RNF166: variants seen among roughly 807,000 people sequenced by gnomAD.
The protein encoded by RNF166 is ring finger protein 166.
RNF166 carries 19 observed loss-of-function variants against 29.4 expected under a neutral mutation model. The ratio of observed to expected loss-of-function variants is 0.65; its 90% CI spans 0.45 to 0.95. RNF166 has a LOEUF of 0.95. Among genes scored for constraint, RNF166 ranks in the 40% least tolerant of loss-of-function variants. The pLI is 0.00. For missense variants in RNF166, 347 were observed against 322.1 expected (o/e 1.08, Z -0.59); for synonymous variants, 171 against 134.5 (o/e 1.27, Z -1.88).
chr16:88,704,815 C>A (rs1371910658), intron 1 of RNF166, among the ~76,000 whole-genome samples: 1 of 152,178 alleles, frequency 6.6e-6, no homozygotes, highest in Non-Finnish European at 1.5e-5. Context: ...CATGGTGAAA[C>A]CCCTTGTCTA....
intron 1 of RNF166, among the ~76,000 whole-genome samples, chr16:88,705,355 G>GCT (rs966853440): frequency 2.0e-5 from 3 of 152,170 alleles, no homozygotes; most frequent in South Asian, 2.1e-4. Flanking sequence ...AAGCCCTCCT[G>GCT]CTCTCTCTCT....
Position 88,697,437 on chromosome 16 carries a change from C to G in RNF166, c.*131G>C. The G allele has an allele frequency of 1.5e-6, 1 of 661,758 alleles. No individual in the cohort carries two copies. The highest frequency in any genetic ancestry group is 2.6e-6 in the Non-Finnish European group (1 of 387,682). The allele number at this position is 661,758 out of a possible 1,614,324, so 41.0% of individuals were successfully genotyped here. A position where few individuals can be genotyped will look rare whatever the true frequency, so the allele number is the denominator to read the frequency against. On this transcript the variant is annotated 3_prime_UTR_variant, in exon 6 of 6. Coordinates refer to ENST00000312838, the MANE Select transcript of RNF166 (RefSeq NM_178841.4). ...AGGCCCGGAGGCTCGGCCCCGGCTC[C>G]CCTTCTGCGCGGGTGCAGGCTCCTC...
chr16:88,701,709 T>C, intron 1 of RNF166: 1 of 364,062 alleles, frequency 2.7e-6, no homozygotes, highest in Non-Finnish European at 5.0e-6. Flanking sequence ...CCAGAGGAGC[T>C]CCCATAGGCA....
At chr16:88,705,931 G>A (rs1910745918) in intron 1 of RNF166, among the ~76,000 whole-genome samples, 1 of 152,034 alleles carries the variant, frequency 6.6e-6, no homozygotes, top group South Asian at 2.1e-4. Flanking sequence ...GTGAACCGAA[G>A]CAGCAGTCGG....
intron 1 of RNF166, 75 bp from the exon 2 acceptor site, chr16:88,701,493 C>G: frequency 3.6e-6 from 5 of 1,390,308 alleles, no homozygotes; most frequent in Non-Finnish European, 4.8e-6. Flanking sequence ...CGGGGCCCTT[C>G]TTAGGACCCA....
In RNF166 at chr16:88,706,273, G is replaced by A. The variant is rs1297225526; in HGVS notation, c.53C>T (p.Ala18Val). The change falls in exon 1 of 6, where the codon GCC becomes GTC. Residue 18 changes from alanine (A) to valine (V), a missense_variant. Physicochemically the swap from Ala to Val is moderately conservative, Grantham distance 64. Coordinates refer to ENST00000312838, the MANE Select transcript of RNF166 (RefSeq NM_178841.4). ...GCCGCTGTCGCCGCCCGCCGGCCCG[G>A]CCGGCGGCTGCCGCTGCTGAGCCGA... ...VASAQQRQPP[A>V]GPAGGDSGLE... The A allele has an allele frequency of 1.5e-6, 2 of 1,295,504 alleles. No homozygotes were observed. The highest frequency in any genetic ancestry group is 2.0e-5 in the South Asian group (1 of 50,616). 80.3% of individuals were successfully genotyped at this position (1,295,504 alleles called of 1,614,324 possible). A position where few individuals can be genotyped will look rare whatever the true frequency, so the allele number is the denominator to read the frequency against.
At chr16:88,701,004 C>T in intron 2 of RNF166, 3 of 1,360,824 alleles carry the variant, frequency 2.2e-6, no homozygotes, top group Non-Finnish European at 2.8e-6. Context: ...CACGTGGGTT[C>T]CCCTGGCCCG....
Position 88,706,366 on chromosome 16 carries a change from G to C in RNF166, c.-41C>G, listed in dbSNP as rs564455251. 60 of 1,215,514 alleles carry C rather than the reference G, an allele frequency of 4.9e-5. 1 individual carries two copies. In the South Asian group the frequency reaches 1.9e-3, roughly 38 times the overall value. 75.3% of individuals were successfully genotyped at this position (1,215,514 alleles called of 1,614,324 possible). A position where few individuals can be genotyped will look rare whatever the true frequency, so the allele number is the denominator to read the frequency against. ...GCGCCGCCCGCCGCCCGCTGTCCTG[G>C]CCCGGGCCGGCCCGCTAGTCACAGC... On this transcript the variant is annotated 5_prime_UTR_variant, in exon 1 of 6. Transcript: ENST00000312838.
intron 1 of RNF166, chr16:88,702,766 T>TAC: frequency 1.0e-6 from 1 of 985,464 alleles, no homozygotes; most frequent in Non-Finnish European, 1.2e-6. Context: ...TCGCTCACTT[T>TAC]ACCCACCTCA....
At chr16:88,702,795 G>A (rs1260798555) in intron 1 of RNF166, 21 of 985,318 alleles carry the variant, frequency 2.1e-5, no homozygotes, top group South Asian at 4.7e-5. Flanking sequence ...CTCACCAGGC[G>A]CCCCAGCAGA....
intron 3 of RNF166, among the ~76,000 whole-genome samples, chr16:88,699,344 C>T (rs1200550821): frequency 6.6e-6 from 1 of 152,252 alleles, no homozygotes; most frequent in Non-Finnish European, 1.5e-5. Context: ...CGTCTCTCGG[C>T]CCATCCACCT....
At chr16:88,700,867 C>A in intron 2 of RNF166, 1 of 1,117,892 alleles carries the variant, frequency 8.9e-7, no homozygotes, top group East Asian at 8.2e-5. Flanking sequence ...CCTTAGATGT[C>A]CTTGACTGTG....
intron 2 of RNF166, chr16:88,701,040 C>T (rs1856073507): frequency 7.3e-7 from 1 of 1,373,320 alleles, no homozygotes; most frequent in Admixed American, 2.9e-5. Context: ...ACAGTGCTAC[C>T]CCCACCGGGC....
chr16:88,697,759 C>G, intron 5 of RNF166, 126 bp from the exon 6 acceptor site: 1 of 698,818 alleles, frequency 1.4e-6, no homozygotes, highest in Non-Finnish European at 2.6e-6. Flanking sequence ...AGGAAGGACC[C>G]AGCTCCACTG....
intron 1 of RNF166, chr16:88,704,085 A>G: frequency 1.0e-6 from 1 of 983,252 alleles, no homozygotes; most frequent in Non-Finnish European, 1.2e-6. Flanking sequence ...ATGCCCCCAC[A>G]CTGGGATACT....
In RNF166 at chr16:88,706,162, C is replaced by G; in HGVS notation, c.155+9G>C. The G allele has an allele frequency of 1.7e-6, 2 of 1,209,746 alleles. No homozygotes were observed. Among genetic ancestry groups the G allele is most frequent in the South Asian group, 2.9e-5 (1 of 34,916 alleles). 74.9% of individuals were successfully genotyped at this position (1,209,746 alleles called of 1,614,324 possible). ...CCCCTCCCCGCGGCCCCTGGGCGGG[C>G]GCGCTCACGTGTGGCCGCAGCTGCC... On this transcript the variant is annotated intron_variant, in intron 1 of 5. Transcript: ENST00000312838.
chr16:88,704,472 G>A (rs1910565905), intron 1 of RNF166: 2 of 985,194 alleles, frequency 2.0e-6, no homozygotes, highest in South Asian at 9.4e-5. Flanking sequence ...TCTGTGTTAT[G>A]GAAACTACAT....
intron 5 of RNF166, 33 bp from the exon 6 acceptor site, chr16:88,697,666 G>C (rs58769233): frequency 1.3e-6 from 2 of 1,495,028 alleles, no homozygotes; most frequent in Admixed American, 2.0e-5. Flanking sequence ...CACCGGGCTC[G>C]AGGGAGACAG....
intron 1 of RNF166, chr16:88,701,762 A>T (rs1412286988): frequency 7.3e-6 from 2 of 272,788 alleles, no homozygotes; most frequent in Admixed American, 9.5e-5. Flanking sequence ...TCACGTGGCG[A>T]CAACACCTGG....
Sources: gnomAD v4.1 joint callset for allele counts (sites outside exome capture counted in the v4.1 genomes callset) on GRCh38, gnomAD v4.1.1 for gene constraint, MANE v1.5 for transcripts, NCBI Gene and HGNC (gene_info 2026-07-23, HGNC 2026-07-21) for gene names.